LMAN1: variants seen among roughly 807,000 people sequenced by gnomAD.
LMAN1 encodes the protein protein ERGIC-53.
In LMAN1, 32 loss-of-function variants were observed where a neutral mutation model predicts 67.8. The observed-to-expected ratio is 0.47, with a 90% CI of 0.36 to 0.63. LMAN1 has a LOEUF of 0.63. Ranked by LOEUF, LMAN1 falls within the 30% of genes least tolerant of loss-of-function variation. The pLI, the probability that LMAN1 is intolerant of heterozygous loss-of-function variation, is 0.00. For missense variants in LMAN1, 632 were observed against 628.2 expected (o/e 1.01, Z -0.06); for synonymous variants, 235 against 219.3 (o/e 1.07, Z -0.63).
rs569940316 is a variant in LMAN1 at position 59,353,689 on chromosome 18, A to ATT, written c.540-390_540-389dup. ...TCTTACAGTTCACTGGTTAAAAGCT[A>ATT]TTTCCTCCACAACAAACACGTGAAA... On this transcript the variant is annotated intron_variant, in intron 4 of 12. Transcript: ENST00000251047. Among the ~76,000 whole-genome samples the ATT allele has an allele frequency of 3.1e-3, 474 of 152,296 alleles. 1 individual carries two copies. Among genetic ancestry groups the ATT allele is most frequent in the Non-Finnish European group, 5.7e-3 (390 of 68,018 alleles).
At chr18:59,344,667 G>T (rs1405473208) in intron 8 of LMAN1, among the ~76,000 whole-genome samples, 2 of 151,636 alleles carry the variant, frequency 1.3e-5, no homozygotes, top group Non-Finnish European at 2.9e-5. Context: ...GGTGGGAGGG[G>T]AATGAAGGTT....
In LMAN1 at chr18:59,342,604, A is replaced by G. The variant is rs767225679; in HGVS notation, c.955+3315T>C. ...TCAACAGACTCAGAAAGGACATTCA[A>G]TAAAATTCATCATCCCTTCATGATA... On this transcript the variant is annotated intron_variant, in intron 8 of 12. Transcript: ENST00000251047. Among the ~76,000 whole-genome samples the G allele has an allele frequency of 4.0e-4, 61 of 152,250 alleles. 2 individuals are homozygous for G. The Middle Eastern group carries it at 0.017, about 42-fold the overall frequency.
intron 8 of LMAN1, among the ~76,000 whole-genome samples, chr18:59,339,504 G>C (rs1482950496): frequency 6.6e-6 from 1 of 152,154 alleles, no homozygotes; most frequent in Non-Finnish European, 1.5e-5. Flanking sequence ...CTGGCTACAG[G>C]AGAAACCTCT....
At chr18:59,358,858 C>G (rs1908725242) in intron 1 of LMAN1, among the ~76,000 whole-genome samples, 173 bp downstream of exon 1, 1 of 152,070 alleles carries the variant, frequency 6.6e-6, no homozygotes, top group Admixed American at 6.6e-5. Flanking sequence ...GGGAACCGTG[C>G]GAACCAGGAG....
chr18:59,341,065 T>C (rs112246771), intron 8 of LMAN1, among the ~76,000 whole-genome samples: 11 of 151,590 alleles, frequency 7.3e-5, no homozygotes, highest in African/African-American at 2.7e-4. Context: ...GTGAGAGGAG[T>C]AGCTGTACTT....
intron 8 of LMAN1, among the ~76,000 whole-genome samples, chr18:59,340,122 G>A (rs73960771): frequency 6.6e-6 from 1 of 152,244 alleles, no homozygotes; most frequent in African/African-American, 2.4e-5. Flanking sequence ...CCAGGCACAA[G>A]GCACAATTTT....
chr18:59,335,068 G>A (rs1166286878), intron 10 of LMAN1, among the ~76,000 whole-genome samples: 1 of 152,116 alleles, frequency 6.6e-6, no homozygotes, highest in Non-Finnish European at 1.5e-5. Context: ...TAGTACTACT[G>A]TTAAGTAAAA....
chr18:59,336,780 A>G (rs969038779), intron 10 of LMAN1, among the ~76,000 whole-genome samples: 15 of 152,104 alleles, frequency 9.9e-5, no homozygotes, highest in African/African-American at 3.4e-4. Flanking sequence ...GCTACTCAGG[A>G]GGCTGAGATG....
intron 5 of LMAN1, among the ~76,000 whole-genome samples, chr18:59,352,342 A>T (rs1211600263): frequency 6.6e-6 from 1 of 152,124 alleles, no homozygotes; most frequent in Non-Finnish European, 1.5e-5. Context: ...TTCACCCCTA[A>T]CCCCAAGAAA....
At chr18:59,334,208 G>A (rs1432876578) in intron 10 of LMAN1, among the ~76,000 whole-genome samples, 3 of 152,158 alleles carry the variant, frequency 2.0e-5, no homozygotes, top group Non-Finnish European at 4.4e-5. Flanking sequence ...ACTTGCTTAG[G>A]TATAAATGTC....
At chr18:59,352,120 A>G (rs1908556151) in intron 5 of LMAN1, among the ~76,000 whole-genome samples, 1 of 152,226 alleles carries the variant, frequency 6.6e-6, no homozygotes, top group African/African-American at 2.4e-5. Flanking sequence ...TAGTGATCTT[A>G]GTTATCATAA....
chr18:59,341,566 C>T (rs1427820906), intron 8 of LMAN1, among the ~76,000 whole-genome samples: 1 of 152,064 alleles, frequency 6.6e-6, no homozygotes, highest in African/African-American at 2.4e-5. Context: ...ACTAAACAAA[C>T]ACATGGAAAT....
At chr18:59,336,840 C>T (rs1427951720) in intron 10 of LMAN1, among the ~76,000 whole-genome samples, 8 of 151,898 alleles carry the variant, frequency 5.3e-5, no homozygotes, top group Admixed American at 4.6e-4. Flanking sequence ...GCTGTGATTG[C>T]ACTACTGCAC....
At position 59,359,125 on chromosome 18, in the gene LMAN1, C is replaced by G. The variant is rs1389309840; in HGVS notation, c.120G>C (p.Ala40=). The G allele has an allele frequency of 6.2e-7, 1 of 1,614,110 alleles. No individual in the cohort carries two copies. Among genetic ancestry groups the G allele is most frequent in the Non-Finnish European group, 8.5e-7 (1 of 1,179,982 alleles). The change falls in exon 1 of 13, where the codon GCG becomes GCC. Residue 40 remains alanine (A), a synonymous_variant. Coordinates refer to ENST00000251047, the MANE Select transcript of LMAN1 (RefSeq NM_005570.4). ...TGTACTCGAAACGGCGATGTGGCAA[C>G]GCGACCGCGGGGTCTCCTCCCACGC... The part of the protein sequence containing the change: ...GDGVGGDPAV[A]LPHRRFEYKY...
intron 5 of LMAN1, 79 bp from the exon 6 acceptor site, chr18:59,349,315 T>A (rs1407794196): frequency 1.6e-6 from 2 of 1,268,666 alleles, no homozygotes; most frequent in African/African-American, 3.0e-5. Flanking sequence ...TTATGACTAC[T>A]ATTCAGTTTT....
At position 59,331,098 on chromosome 18, in the gene LMAN1, A is replaced by C; in HGVS notation, c.1528T>G (p.Phe510Val). The change falls in exon 13 of 13, where the codon TTT (phenylalanine) becomes GTT (valine). Residue 510 changes from phenylalanine (F) to valine (V), a missense_variant. By Grantham distance (50) the Phe-to-Val change is conservative. Transcript: ENST00000251047. ...AGTACACAGGAAAATGGTAGTCAAA[A>C]GAATTTTTTGGCAGCTGCTTCTTGC... ...SQQEAAAKKFF is the reference protein window; with the variant it reads ...SQQEAAAKKFV The C allele has an allele frequency of 6.2e-7, 1 of 1,611,372 alleles. No homozygotes were observed. Among genetic ancestry groups the C allele is most frequent in the Non-Finnish European group, 8.5e-7 (1 of 1,177,898 alleles).
At position 59,333,200 on chromosome 18, in the gene LMAN1, T is replaced by C. The variant is rs1158500136; in HGVS notation, c.1265A>G (p.His422Arg). Reference sequence around the variant, plus strand: ...ATAGACGCCTCCAGCAGAGCCAGGGTGCTGCATTCCACTGACCAGTCTGAC... The same window carrying C: ...ATAGACGCCTCCAGCAGAGCCAGGGCGCTGCATTCCACTGACCAGTCTGAC... ...ETVRLVSGMQ[H>R]PGSAGGVYET... is the part of the protein sequence containing the mutation. Residue 422 changes from histidine (H) to arginine (R), a missense_variant, in exon 11 of 13, where the codon CAC becomes CGC. By Grantham distance (29) the His-to-Arg change is conservative. Coordinates refer to ENST00000251047, the MANE Select transcript of LMAN1 (RefSeq NM_005570.4). 6.2e-7 allele frequency: 1 copy of C among 1,613,716 alleles called. No individual in the cohort carries two copies. The highest frequency in any genetic ancestry group is 2.2e-5 in the East Asian group (1 of 44,868).
chr18:59,348,965 G>C (rs1444296574), intron 6 of LMAN1, 148 bp downstream of exon 6: 2 of 935,748 alleles, frequency 2.1e-6, no homozygotes, highest in Non-Finnish European at 3.5e-6. Context: ...AATCTCAACA[G>C]ACCAAAAGAC....
chr18:59,357,710 G>A (rs910583874), intron 1 of LMAN1, among the ~76,000 whole-genome samples: 4 of 151,970 alleles, frequency 2.6e-5, no homozygotes, highest in East Asian at 1.9e-4. Flanking sequence ...GAGAAATAGC[G>A]CTTCCTAAAA....
Sources: gnomAD v4.1 joint callset for allele counts (sites outside exome capture counted in the v4.1 genomes callset) on GRCh38, gnomAD v4.1.1 for gene constraint, MANE v1.5 for transcripts, NCBI Gene and HGNC (gene_info 2026-07-23, HGNC 2026-07-21) for gene names.